Variants in CEP85 observed in about 807,000 individuals in gnomAD.
CEP85 encodes centrosomal protein 85, also known as centrosomal protein of 85 kDa.
A neutral mutation model predicts 93.7 loss-of-function variants in CEP85; 58 were observed. That is an observed-to-expected ratio of 0.62 (90% CI 0.50 to 0.77). CEP85 has a LOEUF of 0.77. Ranked by LOEUF, CEP85 falls within the 30% of genes least tolerant of loss-of-function variation. CEP85 has a pLI of 0.00. For missense variants in CEP85, 868 were observed against 922.0 expected (o/e 0.94, Z 0.76); for synonymous variants, 314 against 338.6 (o/e 0.93, Z 0.80).
intron 3 of CEP85, among the ~76,000 whole-genome samples, chr1:26,244,729 C>T (rs1347978779): frequency 2.0e-5 from 3 of 152,082 alleles, no homozygotes; most frequent in Admixed American, 6.6e-5. Context: ...TGCCATGTTG[C>T]CCAGGCTGGT....
chr1:26,267,432 C>T (rs974823212), intron 7 of CEP85, among the ~76,000 whole-genome samples: 5 of 152,032 alleles, frequency 3.3e-5, no homozygotes, highest in Admixed American at 1.3e-4. Context: ...GGCATGGTGG[C>T]GGGTGCCTGT....
intron 3 of CEP85, 61 bp from the exon 4 acceptor site, chr1:26,255,110 T>C: frequency 7.2e-7 from 1 of 1,384,594 alleles, no homozygotes; most frequent in Non-Finnish European, 1.0e-6. Context: ...TGGCATAGCA[T>C]TCAAACTCAA....
intron 6 of CEP85, 103 bp downstream of exon 6, chr1:26,258,363 A>G: frequency 1.3e-6 from 1 of 754,538 alleles, no homozygotes; most frequent in South Asian, 1.6e-5. Context: ...AGCTCAAGTG[A>G]TGTAAGTGTC....
intron 3 of CEP85, among the ~76,000 whole-genome samples, chr1:26,251,652 C>T (rs2089617739): frequency 6.6e-6 from 1 of 152,164 alleles, no homozygotes. Flanking sequence ...CTCTTAGAGG[C>T]CCCCACCTCT....
At position 26,255,394 on chromosome 1, in the gene CEP85, A is replaced by G. The variant is rs370764786; in HGVS notation, c.432A>G (p.Leu144=). The G allele has an allele frequency of 2.5e-6, 4 of 1,614,130 alleles. No homozygotes were observed. The highest frequency in any genetic ancestry group is 1.7e-5 in the Admixed American group (1 of 60,002). Residue 144 remains leucine (L), a synonymous_variant, in exon 4 of 14, where the codon CTA becomes CTG. Coordinates refer to ENST00000451429, the MANE Select transcript of CEP85 (RefSeq NM_001319944.2). ...GTGCAATGAAACATTCTCCAGGCCT[A>G]TCTAGAGATCTCATGTATTTCTCTG... ...DLGAMKHSPG[L]SRDLMYFSGA... is the part of the protein sequence containing the mutation.
At chr1:26,267,797 T>G (rs1329864634) in intron 7 of CEP85, among the ~76,000 whole-genome samples, 1 of 152,202 alleles carries the variant, frequency 6.6e-6, no homozygotes, top group Non-Finnish European at 1.5e-5. Flanking sequence ...TCCCTCTGCC[T>G]TCCCCATAGT....
chr1:26,261,720 C>CTCTT (rs10656970), intron 7 of CEP85, among the ~76,000 whole-genome samples: 104,971 of 149,136 alleles, frequency 0.7, 38,400 homozygotes, highest in Non-Finnish European at 0.83. Flanking sequence ...CATAGTGAGA[C>CTCTT]TCTCTTAAAA....
At chr1:26,256,475 G>C (rs2089703188) in intron 4 of CEP85, among the ~76,000 whole-genome samples, 1 of 151,918 alleles carries the variant, frequency 6.6e-6, no homozygotes. Flanking sequence ...AGGTTGCAGT[G>C]AGCCGAGACT....
In CEP85 at chr1:26,276,763, GAGTCCTCAGACC is replaced by G; in HGVS notation, c.2128+8_2128+19del. ...CTCCCTGCTCCTGGGCATTCACTGT[GAGTCCTCAGACC>G]AGTCTGGGGCCCAGGAAGGAGGGTC... On this transcript the variant is annotated splice_donor_5th_base_variant and intron_variant, in intron 13 of 13. Coordinates refer to ENST00000451429, the MANE Select transcript of CEP85 (RefSeq NM_001319944.2). 1.2e-6 allele frequency: 2 copies of G among 1,610,842 alleles called. No homozygotes were observed. Among genetic ancestry groups the G allele is most frequent in the South Asian group, 2.2e-5 (2 of 90,780 alleles).
chr1:26,257,664 C>G lies in CEP85; in HGVS notation c.971C>G (p.Ala324Gly), dbSNP rs1290610260. 1.2e-6 allele frequency: 2 copies of G among 1,614,016 alleles called. No homozygotes were observed. The highest frequency in any genetic ancestry group is 2.7e-5 in the African/African-American group (2 of 74,902). The stretch of plus-strand genomic sequence containing the variant: ...CCTTCACTGCCCATCTTAGAGCCAG[C>G]ACAGTGGATCAGCATCTTGAACAGT... The part of the protein sequence containing the change: ...FGPSLPILEP[A>G]QWISILNSNE... Residue 324 changes from alanine (A) to glycine (G), a missense_variant, in exon 5 of 14, where the codon GCA (alanine) becomes GGA (glycine). Transcript: ENST00000451429.
chr1:26,255,294 T>A lies in CEP85; in HGVS notation c.332T>A (p.Val111Asp). The part of the protein sequence containing the change: ...TSPAKPNSTP[V>D]GPSSSKLPLS... ...CCTGCCAAGCCAAATTCTACACCTG[T>A]TGGACCCTCTTCCTCTAAACTCCCT... The change falls in exon 4 of 14, where the codon GTT becomes GAT. Residue 111 changes from valine (V) to aspartate (D), a missense_variant. Val to Asp is a radical substitution (Grantham distance 152, BLOSUM62 -3). Coordinates refer to ENST00000451429, the MANE Select transcript of CEP85 (RefSeq NM_001319944.2). 6.2e-7 allele frequency: 1 copy of A among 1,614,180 alleles called. No individual in the cohort carries two copies. Among genetic ancestry groups the A allele is most frequent in the South Asian group, 1.1e-5 (1 of 91,084 alleles).
chr1:26,255,498 T>G lies in CEP85; in HGVS notation c.536T>G (p.Phe179Cys). 1.2e-6 allele frequency: 2 copies of G among 1,614,052 alleles called. No individual in the cohort carries two copies. Among genetic ancestry groups the G allele is most frequent in the Non-Finnish European group, 8.5e-7 (1 of 1,180,002 alleles). The change falls in exon 4 of 14, where the codon TTT (phenylalanine) becomes TGT (cysteine). Residue 179 changes from phenylalanine to cysteine, a missense_variant. Physicochemically the swap from Phe to Cys is radical, Grantham distance 205. Coordinates refer to ENST00000451429, the MANE Select transcript of CEP85 (RefSeq NM_001319944.2). The part of the protein sequence containing the change: ...GHERQEEARK[F>C]DIPSMESTLN... Reference sequence around the variant, plus strand: ...GAAAGACAAGAAGAGGCGAGGAAGTTTGATATTCCTAGCATGGAATCTACC... The same window carrying G: ...GAAAGACAAGAAGAGGCGAGGAAGTGTGATATTCCTAGCATGGAATCTACC...
rs2090069349 is a variant in CEP85 at position 26,277,393 on chromosome 1, G to A, written c.*100G>A. 3 of 1,079,062 alleles carry A rather than the reference G, an allele frequency of 2.8e-6. No homozygotes were observed. Among genetic ancestry groups the A allele is most frequent in the Admixed American group, 4.9e-5 (2 of 41,162 alleles). 66.8% of individuals were successfully genotyped at this position (1,079,062 alleles called of 1,614,324 possible). A position where few individuals can be genotyped will look rare whatever the true frequency, so the allele number is the denominator to read the frequency against. On this transcript the variant is annotated 3_prime_UTR_variant, in exon 14 of 14. Transcript: ENST00000451429. ...TCTCTTGTCTGCTATTCCCAGAGAG[G>A]TCTCAGAGGGGAGGGGAGAGCCTGC...
chr1:26,236,466 T>G (rs2089328109), intron 1 of CEP85, among the ~76,000 whole-genome samples: 1 of 152,146 alleles, frequency 6.6e-6, no homozygotes, highest in African/African-American at 2.4e-5. Context: ...GTGTTACTTC[T>G]TGTACATTCA....
chr1:26,276,800 C>T (rs1557671984), intron 13 of CEP85, 40 bp downstream of exon 13: 4 of 1,484,002 alleles, frequency 2.7e-6, no homozygotes, highest in African/African-American at 1.4e-5. Context: ...GAAGGAGGGT[C>T]CTTCTTTCTC....
chr1:26,268,928 T>G (rs2089932058), intron 8 of CEP85, among the ~76,000 whole-genome samples: 1 of 152,234 alleles, frequency 6.6e-6, no homozygotes, highest in African/African-American at 2.4e-5. Context: ...CCTGGTTCTC[T>G]TCGCCCTCTT....
chr1:26,243,937 C>CAGTG (rs2089467085), intron 2 of CEP85, among the ~76,000 whole-genome samples: 1 of 138,802 alleles, frequency 7.2e-6, no homozygotes, highest in African/African-American at 2.8e-5. Flanking sequence ...GTGGAGGCTG[C>CAGTG]AGTGAGCTGC....
chr1:26,250,797 C>G (rs1181472720), intron 3 of CEP85, among the ~76,000 whole-genome samples: 1 of 152,020 alleles, frequency 6.6e-6, no homozygotes, highest in African/African-American at 2.4e-5. Context: ...GTTTATTTTG[C>G]CCAGGGTTCT....
rs755146782 is a variant in CEP85, at chr1:26,255,372, C to T, written c.410C>T (p.Ala137Val). 9 of 1,614,072 alleles carry T rather than the reference C, an allele frequency of 5.6e-6. No homozygotes were observed. The South Asian group carries it at 9.9e-5, about 18-fold the overall frequency. ...ATGACAAGAAATGGAGACCTCGGTGCAATGAAACATTCTCCAGGCCTATCT... is the reference window on the plus strand; with the variant it reads ...ATGACAAGAAATGGAGACCTCGGTGTAATGAAACATTCTCCAGGCCTATCT... ...VGMTRNGDLGAMKHSPGLSRD... is the reference protein window; with the variant it reads ...VGMTRNGDLGVMKHSPGLSRD... The change falls in exon 4 of 14, where the codon GCA becomes GTA. Residue 137 changes from alanine to valine, a missense_variant. Transcript: ENST00000451429.
Sources: allele counts gnomAD v4.1 joint callset (sites outside exome capture counted in the v4.1 genomes callset), GRCh38; gene constraint gnomAD v4.1.1; transcripts MANE v1.5; gene names NCBI Gene and HGNC (gene_info 2026-07-23, HGNC 2026-07-21).